The following HDAC4 variants were observed in gnomAD, a reference collection of about 807,000 sequenced individuals.
HDAC4 encodes the protein histone deacetylase A.
In HDAC4, 16 loss-of-function variants were observed where a neutral mutation model predicts 135.1. The ratio of observed to expected loss-of-function variants is 0.12; its 90% CI spans 0.08 to 0.18. The LOEUF (loss-of-function observed/expected upper bound fraction) is 0.18. HDAC4 is among the 10% of genes least tolerant of loss of function. The pLI is 1.00. For missense variants in HDAC4, 1,143 were observed against 1,511.8 expected, an observed-to-expected ratio of 0.76 and a Z score of 4.05; for synonymous variants, 685 against 653.4, an observed-to-expected ratio of 1.05 and a Z score of -0.74.
At chr2:239,186,081 C>T (rs746279764) in intron 4 of HDAC4, among the ~76,000 whole-genome samples, 9 of 151,876 alleles carry the variant, frequency 5.9e-5, no homozygotes, top group Non-Finnish European at 1.3e-4. Flanking sequence ...AGAACTTCCA[C>T]GCTTACCTGG....
chr2:239,056,599 C>G (rs921225247), intron 24 of HDAC4, among the ~76,000 whole-genome samples: 2 of 152,240 alleles, frequency 1.3e-5, no homozygotes, highest in African/African-American at 2.4e-5. Context: ...AATACACACA[C>G]AGGGGAGCAG....
intron 1 of HDAC4, among the ~76,000 whole-genome samples, chr2:239,353,413 A>C (rs887923367): frequency 1.3e-5 from 2 of 152,236 alleles, no homozygotes; most frequent in Non-Finnish European, 2.9e-5. Flanking sequence ...TTAGTAAATC[A>C]CAGACATGTA....
In HDAC4 at chr2:239,115,081, G is replaced by GGCTGGC; in HGVS notation, c.1757_1762dup (p.Arg586_Gln587dup). Reference sequence around the variant, plus strand: ...TCTGAAGAGCAGCTCCTGCTCACTGGGCTGGCGCTGGCCCGGCTCCACCTC... The same window carrying GGCTGGC: ...TCTGAAGAGCAGCTCCTGCTCACTGGGCTGGCGCTGGCGCTGGCCCGGCTCCACCTC... On this transcript the variant is annotated inframe_insertion, in exon 13 of 27. Transcript: ENST00000543185. This position sits in a 1 kb window ranked among gnomAD's most constrained non-coding sequence, Gnocchi z 6.3. The GGCTGGC allele has an allele frequency of 6.2e-7, 1 of 1,611,406 alleles. No homozygotes were observed. The highest frequency in any genetic ancestry group is 8.5e-7 in the Non-Finnish European group (1 of 1,179,924).
At chr2:239,071,533 G>C (rs187458349) in intron 22 of HDAC4, among the ~76,000 whole-genome samples, 1 of 152,146 alleles carries the variant, frequency 6.6e-6, no homozygotes, top group Non-Finnish European at 1.5e-5. Flanking sequence ...TGGTCCTCCA[G>C]AACAGGCAAC....
At chr2:239,094,824 T>G (rs2152737828) in intron 17 of HDAC4, 186 bp downstream of exon 17, 1 of 1,476,894 alleles carries the variant, frequency 6.8e-7, no homozygotes, top group Admixed American at 2.1e-5. Context: ...CAGAGAAAGG[T>G]GCCCGAGTCG....
At chr2:239,385,805 G>A (rs915316998) in intron 1 of HDAC4, among the ~76,000 whole-genome samples, 3 of 152,154 alleles carry the variant, frequency 2.0e-5, no homozygotes, top group African/African-American at 7.2e-5. Context: ...AGGAAGCCAC[G>A]GAGGCTGTGA....
intron 3 of HDAC4, among the ~76,000 whole-genome samples, chr2:239,204,313 C>T (rs2153081111): frequency 6.6e-6 from 1 of 152,294 alleles, no homozygotes; most frequent in Non-Finnish European, 1.5e-5. Flanking sequence ...GGCCACGGGC[C>T]CTCCAGTTCA....
chr2:239,064,100 G>T (rs1397908113), intron 24 of HDAC4, among the ~76,000 whole-genome samples: 1 of 152,156 alleles, frequency 6.6e-6, no homozygotes, highest in Non-Finnish European at 1.5e-5. Context: ...TAATGGCAAG[G>T]GCTGGAGGAA....
chr2:239,114,981 A>G (rs1000115401), intron 13 of HDAC4, 72 bp downstream of exon 13: 12 of 1,578,712 alleles, frequency 7.6e-6, no homozygotes, highest in Admixed American at 1.7e-5. Context: ...TGATCACCAC[A>G]GAAGATGCCA....
At position 239,262,126 on chromosome 2, in the gene HDAC4, G is replaced by A. The variant is rs879386483; in HGVS notation, c.23-25462C>T. ...CGCCAGCGCCGCCTGCAGTGACGCC[G>A]GGCCACGCTCACCCCAAGGCCCAAG... On this transcript the variant is annotated intron_variant, in intron 2 of 26. Transcript: ENST00000543185. This position sits in a 1 kb window ranked among gnomAD's most constrained non-coding sequence, Gnocchi z 4.1. Among the ~76,000 whole-genome samples the A allele has an allele frequency of 2.6e-5, 4 of 152,132 alleles. No individual in the cohort carries two copies. Among genetic ancestry groups the A allele is most frequent in the Non-Finnish European group, 4.4e-5 (3 of 68,026 alleles).
At chr2:239,173,774 C>T (rs1237755532) in intron 5 of HDAC4, among the ~76,000 whole-genome samples, 1 of 152,206 alleles carries the variant, frequency 6.6e-6, no homozygotes, top group African/African-American at 2.4e-5. Flanking sequence ...TCAAAACAAT[C>T]TATTAATGAT....
At chr2:239,055,839 C>A (rs923648787) in intron 24 of HDAC4, among the ~76,000 whole-genome samples, 2 of 152,168 alleles carry the variant, frequency 1.3e-5, no homozygotes, top group African/African-American at 4.8e-5. Flanking sequence ...TGGAACAAAG[C>A]TGGACCTGAG....
intron 16 of HDAC4, among the ~76,000 whole-genome samples, chr2:239,097,607 G>T (rs2037225423): frequency 6.6e-6 from 1 of 152,240 alleles, no homozygotes; most frequent in Non-Finnish European, 1.5e-5. Flanking sequence ...GACCATGCGG[G>T]GAAGCGGCCT....
intron 1 of HDAC4, among the ~76,000 whole-genome samples, chr2:239,365,335 T>C (rs899145701): frequency 6.6e-6 from 1 of 152,234 alleles, no homozygotes. Flanking sequence ...TTGAAAGTAA[T>C]AAAATTCCAT....
At chr2:239,212,352 G>T (rs2046391165) in intron 3 of HDAC4, among the ~76,000 whole-genome samples, 1 of 152,022 alleles carries the variant, frequency 6.6e-6, no homozygotes, top group Admixed American at 6.6e-5. Context: ...CTAGGGCACT[G>T]ACCCGACTCC....
intron 2 of HDAC4, among the ~76,000 whole-genome samples, chr2:239,324,548 G>A (rs112080617): frequency 4.8e-4 from 73 of 152,304 alleles, no homozygotes; most frequent in African/African-American, 1.7e-3. Context: ...CAGCCCACCC[G>A]CTTCAGTGCA....
intron 19 of HDAC4, 51 bp from the exon 20 acceptor site, chr2:239,084,293 G>A: frequency 7.5e-7 from 1 of 1,324,582 alleles, no homozygotes; most frequent in Non-Finnish European, 1.1e-6. Context: ...GCGGTGGCCA[G>A]TTTCTCCACG....
At chr2:239,224,549 G>A (rs2047138299) in intron 3 of HDAC4, among the ~76,000 whole-genome samples, 1 of 152,164 alleles carries the variant, frequency 6.6e-6, no homozygotes, top group Non-Finnish European at 1.5e-5. Context: ...GCCCTCACCA[G>A]CGGGTGTAAA....
At chr2:239,145,352 T>C (rs2041685101) in intron 7 of HDAC4, among the ~76,000 whole-genome samples, 1 of 152,092 alleles carries the variant, frequency 6.6e-6, no homozygotes, top group African/African-American at 2.4e-5. Context: ...ACCTTTCATC[T>C]GACCACAGGG....
Sources: gnomAD v4.1 joint callset for allele counts (sites outside exome capture counted in the v4.1 genomes callset) on GRCh38, gnomAD v4.1.1 for gene constraint, Gnocchi (gnomAD v3.1) non-coding constraint, MANE v1.5 for transcripts, NCBI Gene and HGNC (gene_info 2026-07-23, HGNC 2026-07-21) for gene names.